The following BICD1 variants were observed in gnomAD, a reference collection of about 807,000 sequenced individuals.
BICD1 encodes the protein protein bicaudal D homolog 1.
Under a neutral mutation model 92.5 loss-of-function variants are expected in BICD1, and 35 were observed. That is an observed-to-expected ratio of 0.38 (90% confidence interval 0.29 to 0.50). The LOEUF is 0.50. Ranked by LOEUF, BICD1 falls within the 20% of genes least tolerant of loss-of-function variation. BICD1 has a pLI of 0.93. For synonymous variants in BICD1, 429 were observed against 465.1 expected, an observed-to-expected ratio of 0.92 and a Z score of 1.00; for missense variants, 950 against 1,189.8, an observed-to-expected ratio of 0.80 and a Z score of 2.97.
In BICD1 at chr12:32,383,371, T is replaced by C. The variant is rs951353575; in HGVS notation, c.*5744T>C. On this transcript the variant is annotated 3_prime_UTR_variant, in exon 10 of 10. Transcript: ENST00000652176. ...TTATTTTAAATTCAAAAAATTCTTA[T>C]GAATTTATTATTGCTTGTACTTTAA... The C allele has an allele frequency of 6.6e-6, 1 of 152,230 alleles. No individual in the cohort carries two copies. The allele number at this position is 152,230 out of a possible 1,614,324, so 9.4% of individuals were successfully genotyped here.
chr12:32,313,359 A>G lies in BICD1; in HGVS notation c.1005+7237A>G, dbSNP rs1948426561. ...TAAGAGTTCAAAGCAATTTTTATAT[A>G]TTTGCTTAATTGGTTGCTGCTTATA... On this transcript the variant is annotated intron_variant, in intron 4 of 9. Transcript: ENST00000652176. The surrounding 1 kb of genome is among the most constrained non-coding windows in gnomAD (Gnocchi z 4.2). 6.6e-6 allele frequency among the ~76,000 whole-genome samples: 1 copy of G among 152,136 alleles called. No individual in the cohort carries two copies. The highest frequency in any genetic ancestry group is 2.4e-5 in the African/African-American group (1 of 41,428).
At chr12:32,193,308 A>T (rs1249875718) in intron 1 of BICD1, among the ~76,000 whole-genome samples, 1 of 152,236 alleles carries the variant, frequency 6.6e-6, no homozygotes, top group African/African-American at 2.4e-5. Context: ...GAAGACTTAG[A>T]TGATCATTAT....
intron 1 of BICD1, among the ~76,000 whole-genome samples, chr12:32,210,064 T>C (rs946833334): frequency 5.9e-5 from 9 of 152,130 alleles, no homozygotes; most frequent in African/African-American, 2.2e-4. Context: ...CACTATGCCA[T>C]GCCATGCACC....
chr12:32,108,464 C>G (rs1941575277), intron 1 of BICD1: 1 of 457,222 alleles, frequency 2.2e-6, no homozygotes, highest in African/African-American at 2.0e-5. Flanking sequence ...GTAACTCGGT[C>G]TTTTTTATCT....
At position 32,337,845 on chromosome 12, in the gene BICD1, G is replaced by T; in HGVS notation, c.2570+29G>T. ...TGCATGCAGCGATCTTCATAGTACG[G>T]TGCAGTGGCCAGATTTTAGTTAACT... On this transcript the variant is annotated intron_variant, in intron 7 of 9. Transcript: ENST00000652176. The surrounding 1 kb of genome is among the most constrained non-coding windows in gnomAD (Gnocchi z 4.7). 6.3e-7 allele frequency: 1 copy of T among 1,598,578 alleles called. No individual in the cohort carries two copies. Among genetic ancestry groups the T allele is most frequent in the Non-Finnish European group, 8.6e-7 (1 of 1,166,708 alleles).
intron 8 of BICD1, among the ~76,000 whole-genome samples, chr12:32,343,075 T>A (rs1354509882): frequency 6.6e-6 from 1 of 152,188 alleles, no homozygotes; most frequent in Non-Finnish European, 1.5e-5. Context: ...CTTGACTTTA[T>A]CCTTATCCTG....
intron 1 of BICD1, among the ~76,000 whole-genome samples, chr12:32,142,336 G>A (rs904853459): frequency 6.7e-6 from 1 of 149,124 alleles, no homozygotes; most frequent in Non-Finnish European, 1.5e-5. Flanking sequence ...AACCTGGGAG[G>A]CAGAGGTTGC....
intron 2 of BICD1, among the ~76,000 whole-genome samples, chr12:32,270,836 T>C (rs1947119400): frequency 6.6e-6 from 1 of 152,218 alleles, no homozygotes; most frequent in African/African-American, 2.4e-5. Context: ...CATTGGCCTT[T>C]GTATATCTTT....
rs1276120971 is a variant in BICD1 at position 32,338,947 on chromosome 12, G to A, written c.2732G>A (p.Ser911Asn). Reference sequence around the variant, plus strand: ...GAATTCATCCAAGGGCACCGGCTCAGCAAGGAAAAAAGGTTAACCGTGGCT... The same window carrying A: ...GAATTCATCCAAGGGCACCGGCTCAACAAGGAAAAAAGGTTAACCGTGGCT... ...MSEFIQGHRL[S>N]KEKRLTVAPP... Residue 911 changes from serine to asparagine, a missense_variant, in exon 8 of 10, where the codon AGC becomes AAC. Around this residue, in one of 5 missense-constraint regions of BICD1, gnomAD observed 179 missense variants for 186.7 expected, o/e 0.96. Coordinates refer to ENST00000652176, the MANE Select transcript of BICD1 (RefSeq NM_001714.4). 1 of 1,602,672 alleles carries A rather than the reference G, an allele frequency of 6.2e-7. No homozygotes were observed. Among genetic ancestry groups the A allele is most frequent in the South Asian group, 1.1e-5 (1 of 88,734 alleles).
intron 4 of BICD1, among the ~76,000 whole-genome samples, chr12:32,307,696 G>C (rs1426225280): frequency 2.6e-5 from 4 of 152,194 alleles, no homozygotes; most frequent in African/African-American, 9.6e-5. Context: ...AGAGAACAGA[G>C]AGCCAATGAT....
At chr12:32,253,391 A>G (rs1946617887) in intron 2 of BICD1, among the ~76,000 whole-genome samples, 1 of 152,112 alleles carries the variant, frequency 6.6e-6, no homozygotes, top group South Asian at 2.1e-4. Context: ...TTAATGCCCC[A>G]CTGGACTTCT....
At chr12:32,123,287 T>A (rs1435606666) in intron 1 of BICD1, among the ~76,000 whole-genome samples, 1 of 152,186 alleles carries the variant, frequency 6.6e-6, no homozygotes, top group Non-Finnish European at 1.5e-5. Flanking sequence ...GGCCACATGA[T>A]GTAGCAGCTT....
intron 1 of BICD1, among the ~76,000 whole-genome samples, chr12:32,142,103 T>G (rs1181814638): frequency 6.6e-6 from 1 of 152,116 alleles, no homozygotes; most frequent in East Asian, 1.9e-4. Context: ...TTGAAGTATG[T>G]CAACATAAAA....
At chr12:32,210,296 G>C (rs1945178759) in intron 1 of BICD1, among the ~76,000 whole-genome samples, 1 of 152,082 alleles carries the variant, frequency 6.6e-6, no homozygotes, top group South Asian at 2.1e-4. Context: ...ATGTCCCTGG[G>C]TGACCTAGTA....
At chr12:32,310,403 G>T (rs1365868449) in intron 4 of BICD1, among the ~76,000 whole-genome samples, 4 of 151,958 alleles carry the variant, frequency 2.6e-5, no homozygotes, top group Non-Finnish European at 5.9e-5. Flanking sequence ...AACGTAACTG[G>T]GGGTTTTTGT....
At chr12:32,272,276 T>C (rs2632344) in intron 2 of BICD1, among the ~76,000 whole-genome samples, 95,641 of 151,968 alleles carry the variant, frequency 0.63, 30,346 homozygotes, top group African/African-American at 0.7. Flanking sequence ...ATTTTTGCAT[T>C]TGGTTACAGG....
chr12:32,316,292 T>TAG (rs1948499085), intron 4 of BICD1, among the ~76,000 whole-genome samples: 2 of 151,842 alleles, frequency 1.3e-5, no homozygotes, highest in Admixed American at 1.3e-4. Flanking sequence ...TTTTCTTTTT[T>TAG]TTTTTCTTTT....
At chr12:32,331,456 T>C (rs1385984851) in intron 5 of BICD1, among the ~76,000 whole-genome samples, 2 of 152,168 alleles carry the variant, frequency 1.3e-5, no homozygotes, top group East Asian at 3.8e-4. Context: ...TTTTCCGAAA[T>C]GTTTTGGGGG....
intron 9 of BICD1, among the ~76,000 whole-genome samples, chr12:32,370,594 G>GCTCT (rs1441409457): frequency 6.6e-6 from 1 of 152,112 alleles, no homozygotes; most frequent in Non-Finnish European, 1.5e-5. Flanking sequence ...GAGTGAATGA[G>GCTCT]CTCTGGAATC....
Sources: allele counts gnomAD v4.1 joint callset (sites outside exome capture counted in the v4.1 genomes callset), GRCh38; gene constraint gnomAD v4.1.1; regional missense constraint gnomAD v4.1.1; non-coding constraint Gnocchi (gnomAD v3.1); transcripts MANE v1.5; gene names NCBI Gene and HGNC (gene_info 2026-07-23, HGNC 2026-07-21).